Variants in FYCO1 observed in about 807,000 individuals in gnomAD.
FYCO1 encodes the protein FYVE and coiled-coil domain-containing protein 1.
FYCO1 carries 122 observed loss-of-function variants against 165.1 expected under a neutral mutation model. That is an observed-to-expected ratio of 0.74 (90% CI 0.64 to 0.86). FYCO1 has a LOEUF of 0.86. Among genes scored for constraint, FYCO1 ranks in the 40% least tolerant of loss-of-function variants. The probability of loss-of-function intolerance (pLI) is 0.00; values close to 1 mark genes in which losing one functional copy is unlikely to be tolerated. For synonymous variants in FYCO1, 648 were observed against 742.5 expected, an observed-to-expected ratio of 0.87 and a Z score of 2.07; for missense variants, 1,702 against 1,810.3, an observed-to-expected ratio of 0.94 and a Z score of 1.09.
Position 45,962,256 on chromosome 3 carries a change from A to C in FYCO1, c.3406T>G (p.Tyr1136Asp). The change falls in exon 11 of 18, where the codon TAT (tyrosine) becomes GAT (aspartate). Residue 1136 changes from tyrosine (Y) to aspartate (D), a missense_variant. Coordinates refer to ENST00000296137, the MANE Select transcript of FYCO1 (RefSeq NM_024513.4). The surrounding 1 kb of genome is among the most constrained non-coding windows in gnomAD (Gnocchi z 4.4). The part of the protein sequence containing the change: ...DLDDLNRTKK[Y>D]LEERLIELLR... ...AGCTCTATCAGCCGCTCCTCGAGAT[A>C]CTTCTTGGTTCTGTTGAGGTCATCC... 1 of 1,614,200 alleles carries C rather than the reference A, an allele frequency of 6.2e-7. No homozygotes were observed. The highest frequency in any genetic ancestry group is 8.5e-7 in the Non-Finnish European group (1 of 1,180,042).
At chr3:45,985,313 C>T (rs1405463562) in intron 1 of FYCO1, among the ~76,000 whole-genome samples, 1 of 152,168 alleles carries the variant, frequency 6.6e-6, no homozygotes, top group Admixed American at 6.5e-5. Flanking sequence ...ATAGGACTGC[C>T]TTACTTTCCT....
intron 14 of FYCO1, chr3:45,947,487 G>A (rs753824355): frequency 3.1e-6 from 5 of 1,613,898 alleles, no homozygotes; most frequent in Middle Eastern, 1.6e-4. Context: ...CAATGTGGAG[G>A]CCACCAGCAT....
chr3:45,985,729 C>T (rs896799841), intron 1 of FYCO1, among the ~76,000 whole-genome samples: 1 of 152,264 alleles, frequency 6.6e-6, no homozygotes, highest in African/African-American at 2.4e-5. Context: ...TTACAGTCCT[C>T]TCCCAGCTGG....
chr3:45,943,704 G>C (rs763754678), intron 14 of FYCO1, among the ~76,000 whole-genome samples: 4 of 152,188 alleles, frequency 2.6e-5, no homozygotes, highest in Non-Finnish European at 4.4e-5. Context: ...GCCATTTGCT[G>C]CTGTGTGGGT....
chr3:45,945,192 T>C (rs1298575121), intron 14 of FYCO1: 1 of 152,216 alleles, frequency 6.6e-6, no homozygotes, highest in Non-Finnish European at 1.5e-5. Context: ...GGTAACCTCA[T>C]CGTTTATATG....
intron 10 of FYCO1, among the ~76,000 whole-genome samples, chr3:45,963,926 G>T (rs919986322): frequency 6.6e-6 from 1 of 152,200 alleles, no homozygotes; most frequent in Non-Finnish European, 1.5e-5. Context: ...TTCCTCATAG[G>T]ACTGTTAGGA....
intron 14 of FYCO1, among the ~76,000 whole-genome samples, chr3:45,951,902 C>T (rs9841919): frequency 0.034 from 5,112 of 152,222 alleles, 301 homozygotes; most frequent in African/African-American, 0.11. Flanking sequence ...CTTCCTTAGC[C>T]CCAAAACTGT....
intron 1 of FYCO1, among the ~76,000 whole-genome samples, chr3:45,995,197 G>C (rs530357799): frequency 8.7e-4 from 133 of 152,316 alleles, no homozygotes; most frequent in African/African-American, 3.1e-3. Flanking sequence ...ATAGTGAATA[G>C]GTCTTGGCCA....
intron 8 of FYCO1, among the ~76,000 whole-genome samples, chr3:45,965,912 G>C (rs912757359): frequency 6.6e-5 from 10 of 152,224 alleles, no homozygotes; most frequent in Non-Finnish European, 7.3e-5. Flanking sequence ...GCTGCCACAG[G>C]GCGGGGGCAA....
chr3:45,969,296 G>C (rs1030515512), intron 7 of FYCO1, among the ~76,000 whole-genome samples: 69 of 152,200 alleles, frequency 4.5e-4, no homozygotes, highest in African/African-American at 1.6e-3. Context: ...AGAAGTGCAT[G>C]CGCACTCCTC....
rs533810294 is a variant in FYCO1, at chr3:45,920,492, A to G, written c.*1273T>C. On this transcript the variant is annotated 3_prime_UTR_variant, in exon 18 of 18. Coordinates refer to ENST00000296137, the MANE Select transcript of FYCO1 (RefSeq NM_024513.4). ...TGACTGCAGGCAGCTGGTTCCATGAACAAGGGACGAAGAGCTGTCCAAGGT... is the reference window on the plus strand; with the variant it reads ...TGACTGCAGGCAGCTGGTTCCATGAGCAAGGGACGAAGAGCTGTCCAAGGT... 2.0e-5 allele frequency: 3 copies of G among 152,366 alleles called. No individual in the cohort carries two copies. The highest frequency in any genetic ancestry group is 7.2e-5 in the African/African-American group (3 of 41,546). The allele number at this position is 152,366 out of a possible 1,614,324, so 9.4% of individuals were successfully genotyped here.
chr3:45,955,925 G>A (rs936179353), intron 13 of FYCO1, among the ~76,000 whole-genome samples: 6 of 152,314 alleles, frequency 3.9e-5, no homozygotes, highest in African/African-American at 1.2e-4. Context: ...CCTTGTGTCC[G>A]ACTGTGCAAA....
At chr3:45,950,688 T>C (rs1704957200) in intron 14 of FYCO1, among the ~76,000 whole-genome samples, 1 of 152,168 alleles carries the variant, frequency 6.6e-6, no homozygotes, top group Admixed American at 6.5e-5. Context: ...ATGAGAAAAC[T>C]AGTTCAGAGA....
At position 45,984,877 on chromosome 3, in the gene FYCO1, T is replaced by C. The variant is rs1374738160; in HGVS notation, c.34A>G (p.Arg12Gly). The C allele has an allele frequency of 2.5e-6, 4 of 1,614,054 alleles. No homozygotes were observed. The highest frequency in any genetic ancestry group is 2.7e-5 in the African/African-American group (2 of 74,900). The change falls in exon 2 of 18, where the codon AGA becomes GGA. Residue 12 changes from arginine to glycine, a missense_variant. Arg to Gly is a moderately radical substitution (Grantham distance 125). Transcript: ENST00000296137. ...ASTNAESQLQ[R>G]IIRDLQDAVT... ...ATACCTTGCAAGTCTCGGATGATTC[T>C]CTGGAGCTGGCTCTCTGCATTGGTG...
At chr3:45,947,517 C>A in intron 14 of FYCO1, 2 of 1,606,968 alleles carry the variant, frequency 1.2e-6, no homozygotes, top group Non-Finnish European at 1.7e-6. Flanking sequence ...ATAGGCCTTG[C>A]CAGGGTTTCG....
chr3:45,961,063 C>A (rs182942304), intron 11 of FYCO1, among the ~76,000 whole-genome samples: 274 of 152,142 alleles, frequency 1.8e-3, no homozygotes, highest in African/African-American at 6.2e-3. Context: ...CATGGGGATG[C>A]AATCGGCAAA....
At chr3:45,984,054 A>G (rs1381221038) in intron 2 of FYCO1, among the ~76,000 whole-genome samples, 1 of 152,202 alleles carries the variant, frequency 6.6e-6, no homozygotes, top group African/African-American at 2.4e-5. Flanking sequence ...GAAAAGTGTC[A>G]CAGCGGACTC....
chr3:45,950,934 A>G (rs1322284489), intron 14 of FYCO1, among the ~76,000 whole-genome samples: 1 of 152,208 alleles, frequency 6.6e-6, no homozygotes, highest in Admixed American at 6.5e-5. Context: ...CTGAGATACC[A>G]AACATCAAAT....
At chr3:45,940,816 G>A (rs1245883701) in intron 14 of FYCO1, 1 of 152,166 alleles carries the variant, frequency 6.6e-6, no homozygotes, top group Non-Finnish European at 1.5e-5. Flanking sequence ...GGCAAGACTT[G>A]AGTTGCTGCA....
Sources: gnomAD v4.1 joint callset for allele counts (sites outside exome capture counted in the v4.1 genomes callset) on GRCh38, gnomAD v4.1.1 for gene constraint, Gnocchi (gnomAD v3.1) non-coding constraint, MANE v1.5 for transcripts, NCBI Gene and HGNC (gene_info 2026-07-23, HGNC 2026-07-21) for gene names.